The following CTNNA2 variants were observed in gnomAD, a reference collection of about 807,000 sequenced individuals.
CTNNA2 encodes catenin alpha 2, also known as catenin alpha-2.
In CTNNA2, 42 loss-of-function variants were observed where a neutral mutation model predicts 101.0. That is an observed-to-expected ratio of 0.42 (90% CI 0.32 to 0.54). The LOEUF is 0.54. Among genes scored for constraint, CTNNA2 ranks in the 20% least tolerant of loss-of-function variants. The pLI is 0.14. For missense variants in CTNNA2, 871 were observed against 1,223.1 expected (o/e 0.71, Z 4.29); for synonymous variants, 450 against 456.4 (o/e 0.99, Z 0.18).
chr2:79,407,478 T>G (rs963997168), intron 4 of CTNNA2, among the ~76,000 whole-genome samples: 1 of 151,860 alleles, frequency 6.6e-6, no homozygotes, highest in Non-Finnish European at 1.5e-5. Context: ...TTCACACACA[T>G]GTACATAAAC....
At chr2:79,835,682 T>TG (rs1558565753) in intron 3 of CTNNA2, among the ~76,000 whole-genome samples, 138 of 128,934 alleles carry the variant, frequency 1.1e-3, no homozygotes, top group African/African-American at 4.2e-3. Context: ...TTTTTTTTTT[T>TG]TTTTTTTTTT....
chr2:79,353,602 G>C (rs553123483), intron 3 of CTNNA2, among the ~76,000 whole-genome samples: 2 of 152,094 alleles, frequency 1.3e-5, no homozygotes, highest in East Asian at 3.9e-4. Flanking sequence ...CATACGGTGG[G>C]GTCTTGTTTC....
intron 7 of CTNNA2, among the ~76,000 whole-genome samples, chr2:80,360,969 T>C (rs1324586230): frequency 6.6e-6 from 1 of 152,040 alleles, no homozygotes; most frequent in Non-Finnish European, 1.5e-5. Context: ...TTTTTTTAAA[T>C]AGATGATTTT....
chr2:79,689,676 C>CA (rs1684162805), intron 2 of CTNNA2, among the ~76,000 whole-genome samples: 1 of 151,778 alleles, frequency 6.6e-6, no homozygotes. Flanking sequence ...ATTATATCTA[C>CA]AGGGGTATTT....
At chr2:80,270,916 A>C (rs1235189132) in intron 7 of CTNNA2, among the ~76,000 whole-genome samples, 1 of 152,172 alleles carries the variant, frequency 6.6e-6, no homozygotes, top group East Asian at 1.9e-4. Context: ...TGGCAATTTG[A>C]GAGTAAGTGT....
intron 7 of CTNNA2, among the ~76,000 whole-genome samples, chr2:80,366,944 CG>C (rs1559048653): frequency 6.6e-6 from 1 of 151,128 alleles, no homozygotes; most frequent in African/African-American, 2.4e-5. Flanking sequence ...TCCAGAAAAG[CG>C]GGACAACTGG....
At chr2:79,288,213 T>C (rs954760508) in intron 2 of CTNNA2, among the ~76,000 whole-genome samples, 6 of 152,238 alleles carry the variant, frequency 3.9e-5, no homozygotes, top group Non-Finnish European at 8.8e-5. Context: ...ATCTTCTGCG[T>C]CACTCACGCT....
At chr2:80,631,373 T>TA (rs1232153616) in intron 18 of CTNNA2, among the ~76,000 whole-genome samples, 1 of 151,946 alleles carries the variant, frequency 6.6e-6, no homozygotes, top group African/African-American at 2.4e-5. Flanking sequence ...TTTTTTTTTT[T>TA]TTTTTTTAGC....
rs192374967 is a variant in CTNNA2, at chr2:79,401,810, T to C, written c.-135+27797T>C. 9.4e-4 allele frequency among the ~76,000 whole-genome samples: 142 copies of C among 151,390 alleles called. 1 individual carries two copies. The highest frequency in any genetic ancestry group is 3.3e-3 in the African/African-American group (136 of 41,448). ...AATTGACACTTTATTCAAAAGAAAA[T>C]AAATATATTTATTGAATATATACCT... On this transcript the variant is annotated intron_variant, in intron 4 of 21. Transcript: ENST00000466387.
At chr2:79,980,953 T>C (rs905229675) in intron 7 of CTNNA2, among the ~76,000 whole-genome samples, 7 of 152,146 alleles carry the variant, frequency 4.6e-5, no homozygotes, top group African/African-American at 7.2e-5. Flanking sequence ...TTCTGTGCTG[T>C]CTTCCTCGAT....
chr2:79,967,977 C>G lies in CTNNA2; in HGVS notation c.1056+58180C>G, dbSNP rs67897660. 2.0e-5 allele frequency among the ~76,000 whole-genome samples: 3 copies of G among 152,042 alleles called. No individual in the cohort carries two copies. In the South Asian group the frequency reaches 6.2e-4, roughly 32 times the overall value. ...AAATGGTTATATATTGCATGATTCC[C>G]TTTATATAAAATATCCAGAATTGGC... On this transcript the variant is annotated intron_variant, in intron 7 of 18. Coordinates refer to ENST00000402739, the MANE Select transcript of CTNNA2 (RefSeq NM_001282597.3).
At chr2:80,640,186 AG>A (rs1276124007) in intron 18 of CTNNA2, among the ~76,000 whole-genome samples, 13 of 152,248 alleles carry the variant, frequency 8.5e-5, no homozygotes, top group African/African-American at 2.2e-4. Flanking sequence ...CAAATACAGA[AG>A]TCGTGATACA....
At chr2:80,071,322 C>T (rs941074546) in intron 7 of CTNNA2, among the ~76,000 whole-genome samples, 5 of 152,210 alleles carry the variant, frequency 3.3e-5, no homozygotes, top group Admixed American at 1.3e-4. Context: ...AAATATACCT[C>T]CTCCCTATTC....
intron 2 of CTNNA2, among the ~76,000 whole-genome samples, chr2:79,732,425 A>G (rs1367049208): frequency 2.0e-5 from 3 of 152,150 alleles, no homozygotes; most frequent in Non-Finnish European, 2.9e-5. Flanking sequence ...CGAGACTGGC[A>G]TGCAAAGCTT....
At chr2:79,821,623 G>A (rs1402653279) in intron 3 of CTNNA2, among the ~76,000 whole-genome samples, 2 of 152,138 alleles carry the variant, frequency 1.3e-5, no homozygotes, top group African/African-American at 4.8e-5. Context: ...ATAAAAACAA[G>A]TATAAGATGC....
At chr2:80,013,457 C>T (rs1693924901) in intron 7 of CTNNA2, among the ~76,000 whole-genome samples, 1 of 152,194 alleles carries the variant, frequency 6.6e-6, no homozygotes, top group African/African-American at 2.4e-5. Flanking sequence ...TGTTCTTCAG[C>T]TACCTTAAAA....
At chr2:79,928,028 A>G (rs1687143921) in intron 7 of CTNNA2, among the ~76,000 whole-genome samples, 1 of 152,208 alleles carries the variant, frequency 6.6e-6, no homozygotes, top group Non-Finnish European at 1.5e-5. Flanking sequence ...GGTTGGCCTT[A>G]TAGAAGATAC....
intron 7 of CTNNA2, among the ~76,000 whole-genome samples, chr2:79,957,611 A>G (rs1024476447): frequency 1.3e-5 from 2 of 152,082 alleles, no homozygotes; most frequent in Non-Finnish European, 2.9e-5. Flanking sequence ...TGCTGTTGCA[A>G]TCTCTGAGAA....
chr2:80,358,614 A>T (rs1196032984), intron 7 of CTNNA2, among the ~76,000 whole-genome samples: 1 of 152,038 alleles, frequency 6.6e-6, no homozygotes, highest in African/African-American at 2.4e-5. Context: ...GAGCTTCCCA[A>T]AGTGCTGGGA....
Sources: allele counts gnomAD v4.1 joint callset (sites outside exome capture counted in the v4.1 genomes callset), GRCh38; gene constraint gnomAD v4.1.1; transcripts MANE v1.5; gene names NCBI Gene and HGNC (gene_info 2026-07-23, HGNC 2026-07-21).